The following PDCD11 variants were observed in gnomAD, a reference collection of about 807,000 sequenced individuals.
PDCD11 encodes programmed cell death 11.
In PDCD11, 97 loss-of-function variants were observed where a neutral mutation model predicts 198.9. That is an observed-to-expected ratio of 0.49 (90% CI 0.41 to 0.58). The LOEUF is 0.58. Among genes scored for constraint, PDCD11 ranks in the 20% least tolerant of loss-of-function variants. The probability of loss-of-function intolerance (pLI) is 0.00; values close to 1 mark genes in which losing one functional copy is unlikely to be tolerated. For missense variants in PDCD11, 2,102 were observed against 2,312.7 expected (o/e 0.91, Z 1.87); for synonymous variants, 893 against 918.0 (o/e 0.97, Z 0.49).
At chr10:103,444,145 C>A in intron 34 of PDCD11, 77 bp downstream of exon 34, 1 of 1,320,752 alleles carries the variant, frequency 7.6e-7, no homozygotes, top group Non-Finnish European at 1.0e-6. Context: ...GGCATTGCTT[C>A]TTCTAAGTCA....
chr10:103,403,042 C>T, intron 3 of PDCD11, 76 bp from the exon 4 acceptor site: 18 of 1,376,332 alleles, frequency 1.3e-5, no homozygotes, highest in South Asian at 5.0e-5. Flanking sequence ...TAAATTGACA[C>T]TAGAAGCCAG....
In PDCD11 at chr10:103,432,308, A is replaced by C. The variant is rs555862427; in HGVS notation, c.3474+74A>C. Reference sequence around the variant, plus strand: ...AAAAGGTCATGACGTTGGAGAGAAAAGCCATTAGCAGAGAAAGGCATTTGA... The same window carrying C: ...AAAAGGTCATGACGTTGGAGAGAAACGCCATTAGCAGAGAAAGGCATTTGA... On this transcript the variant is annotated intron_variant, in intron 22 of 35. Transcript: ENST00000369797. 3.3e-4 allele frequency: 349 copies of C among 1,059,166 alleles called. 1 individual carries two copies. In the South Asian group the frequency reaches 4.2e-3, roughly 13 times the overall value. The allele number at this position is 1,059,166 out of a possible 1,614,324, so 65.6% of individuals were successfully genotyped here.
Position 103,442,416 on chromosome 10 carries a change from G to C in PDCD11, c.4911G>C (p.Lys1637Asn), listed in dbSNP as rs752225044. Residue 1637 changes from lysine (K) to asparagine (N), a missense_variant, in exon 32 of 36, where the codon AAG (lysine) becomes AAC (asparagine). Lys to Asn is a moderately conservative substitution (Grantham distance 94). Transcript: ENST00000369797. ...ACCTGCAGGCCACGGAGATCGAGAA[G>C]GCCCGTGCCGTGGCTGAGAGGGCCC... Reference protein sequence around the residue: ...AFHLQATEIEKARAVAERALK... With the variant: ...AFHLQATEIENARAVAERALK... 2 of 1,614,066 alleles carry C rather than the reference G, an allele frequency of 1.2e-6. No homozygotes were observed. The highest frequency in any genetic ancestry group is 1.7e-5 in the Admixed American group (1 of 60,000).
At chr10:103,402,956 G>A (rs949609949) in intron 3 of PDCD11, among the ~76,000 whole-genome samples, 162 bp from the exon 4 acceptor site, 1 of 152,140 alleles carries the variant, frequency 6.6e-6, no homozygotes, top group Non-Finnish European at 1.5e-5. Context: ...CCTGAGCCCA[G>A]GCAGTCCTCC....
chr10:103,397,267 CCTT>C lies in PDCD11; in HGVS notation c.-12+540_-12+542del, dbSNP rs1446491710. 5.5e-5 allele frequency among the ~76,000 whole-genome samples: 8 copies of C among 145,174 alleles called. No individual in the cohort carries two copies. In the East Asian group the frequency reaches 1.5e-3, roughly 27 times the overall value. On this transcript the variant is annotated intron_variant, in intron 1 of 35. Transcript: ENST00000369797. ...ATAACAGGAAACAGTGCATTTGAAT[CCTT>C]CTACCGAATTTACTTGCCTTCAATA... is the stretch of plus-strand genomic sequence containing the variant.
chr10:103,402,858 C>T (rs73328597), intron 3 of PDCD11, among the ~76,000 whole-genome samples: 3,826 of 152,226 alleles, frequency 0.025, 170 homozygotes, highest in African/African-American at 0.086. Context: ...CACTCACCTC[C>T]GAGTACCTGC....
At chr10:103,437,547 G>T (rs1011793400) in intron 25 of PDCD11, among the ~76,000 whole-genome samples, 1 of 152,086 alleles carries the variant, frequency 6.6e-6, no homozygotes, top group Admixed American at 6.5e-5. Flanking sequence ...GAGTGCAGTG[G>T]CACGATCTCG....
At chr10:103,401,690 A>G (rs973051615) in intron 3 of PDCD11, among the ~76,000 whole-genome samples, 2 of 152,228 alleles carry the variant, frequency 1.3e-5, no homozygotes, top group African/African-American at 4.8e-5. Flanking sequence ...TTTGTCCTAT[A>G]TGATACTTTA....
At chr10:103,428,635 A>G (rs966542138) in intron 21 of PDCD11, among the ~76,000 whole-genome samples, 18 of 152,360 alleles carry the variant, frequency 1.2e-4, no homozygotes, top group African/African-American at 4.1e-4. Context: ...AACTAAGGGT[A>G]GATATCTTAA....
At chr10:103,434,757 C>G (rs1398261062) in intron 24 of PDCD11, 41 bp from the exon 25 acceptor site, 2 of 1,555,884 alleles carry the variant, frequency 1.3e-6, no homozygotes, top group Non-Finnish European at 1.7e-6. Context: ...CCTCCCTTAG[C>G]TCATTTCCTC....
At position 103,430,988 on chromosome 10, in the gene PDCD11, C is replaced by T. The variant is rs952856493; in HGVS notation, c.3369-1141C>T. 5.9e-5 allele frequency among the ~76,000 whole-genome samples: 9 copies of T among 151,888 alleles called. No individual in the cohort carries two copies. The South Asian group carries it at 6.2e-4, about 11-fold the overall frequency. Reference sequence around the variant, plus strand: ...TAATTTTTTGTATTTTTAGTAGAGACGGGGTTTCATCATGTTGGCCAGGCT... The same window carrying T: ...TAATTTTTTGTATTTTTAGTAGAGATGGGGTTTCATCATGTTGGCCAGGCT... On this transcript the variant is annotated intron_variant, in intron 21 of 35. Transcript: ENST00000369797.
At chr10:103,409,551 A>T in intron 7 of PDCD11, 148 bp from the exon 8 acceptor site, 1 of 608,624 alleles carries the variant, frequency 1.6e-6, no homozygotes, top group South Asian at 2.0e-5. Flanking sequence ...TTATTTGTAT[A>T]GGAAGAAAAG....
rs190328112 is a variant in PDCD11, at chr10:103,410,222, G to A, written c.978+416G>A. On this transcript the variant is annotated intron_variant, in intron 8 of 35. Coordinates refer to ENST00000369797, the MANE Select transcript of PDCD11 (RefSeq NM_014976.2). ...TGCACTCCAGCCTAGACAACAGAGC[G>A]AGACTCCATCTCAAAAAAAAAAAAA... Among the ~76,000 whole-genome samples the A allele has an allele frequency of 5.4e-5, 8 of 148,578 alleles. No homozygotes were observed. The East Asian group carries it at 9.8e-4, about 18-fold the overall frequency.
intron 32 of PDCD11, 144 bp downstream of exon 32, chr10:103,442,604 G>A (rs2032438681): frequency 2.5e-6 from 2 of 804,170 alleles, no homozygotes; most frequent in African/African-American, 3.4e-5. Flanking sequence ...CAGGCTTTCT[G>A]CCATAGCTGC....
intron 12 of PDCD11, 120 bp downstream of exon 12, chr10:103,415,271 G>A: frequency 1.0e-6 from 1 of 976,896 alleles, no homozygotes; most frequent in South Asian, 1.5e-5. Flanking sequence ...GTCTTGTGCT[G>A]TACCTGGCAT....
intron 21 of PDCD11, among the ~76,000 whole-genome samples, chr10:103,428,988 T>C (rs1178742709): frequency 6.6e-6 from 1 of 152,226 alleles, no homozygotes; most frequent in Non-Finnish European, 1.5e-5. Flanking sequence ...CATAGTGATA[T>C]TTCTCATGCT....
intron 11 of PDCD11, among the ~76,000 whole-genome samples, chr10:103,414,793 C>T (rs2031007170): frequency 6.6e-6 from 1 of 152,166 alleles, no homozygotes; most frequent in South Asian, 2.1e-4. Context: ...CACATGCTCA[C>T]ACAGAAAGAT....
In PDCD11 at chr10:103,406,773, A is replaced by C. The variant is rs771233773; in HGVS notation, c.853A>C (p.Lys285Gln). 3 of 1,613,950 alleles carry C rather than the reference A, an allele frequency of 1.9e-6. No homozygotes were observed. The highest frequency in any genetic ancestry group is 2.5e-6 in the Non-Finnish European group (3 of 1,179,874). The change falls in exon 7 of 36, where the codon AAA becomes CAA. Residue 285 changes from lysine to glutamine, a missense_variant. Lys to Gln is a moderately conservative substitution (Grantham distance 53). Coordinates refer to ENST00000369797, the MANE Select transcript of PDCD11 (RefSeq NM_014976.2). ...LNNLLPGLVV[K>Q]AQVQKVTPFG... Reference sequence around the variant, plus strand: ...TAACTTGCTACCAGGACTGGTGGTCAAAGCTCAGGTACAGAAGGTAAGCTG... The same window carrying C: ...TAACTTGCTACCAGGACTGGTGGTCCAAGCTCAGGTACAGAAGGTAAGCTG...
chr10:103,441,827 A>G lies in PDCD11; in HGVS notation c.4559A>G (p.Glu1520Gly), dbSNP rs759079700. The part of the protein sequence containing the change: ...EAEETNVLPK[E>G]KQTKPAEAPR... ...TTTAGCGCCTCTGTGTTCCTCCAGG[A>G]GAAGCAAACCAAGCCAGCAGAAGCG... Residue 1520 changes from glutamate (E) to glycine (G), a missense_variant and splice_region_variant, in exon 31 of 36, where the codon GAG becomes GGG. Transcript: ENST00000369797. The G allele has an allele frequency of 6.2e-7, 1 of 1,613,918 alleles. No individual in the cohort carries two copies. The highest frequency in any genetic ancestry group is 2.2e-5 in the East Asian group (1 of 44,874).
Sources: gnomAD v4.1 joint callset for allele counts (sites outside exome capture counted in the v4.1 genomes callset) on GRCh38, gnomAD v4.1.1 for gene constraint, MANE v1.5 for transcripts, NCBI Gene and HGNC (gene_info 2026-07-23, HGNC 2026-07-21) for gene names.